LRP1B: variants seen among roughly 807,000 people sequenced by gnomAD.
LRP1B encodes the protein low-density lipoprotein receptor-related protein 1B.
LRP1B carries 217 observed loss-of-function variants against 556.6 expected under a neutral mutation model. The observed-to-expected ratio is 0.39, with a 90% CI of 0.35 to 0.44. The LOEUF is 0.44. Ranked by LOEUF, LRP1B falls within the 20% of genes least tolerant of loss-of-function variation. The pLI is 1.00. For synonymous variants in LRP1B, 2,047 were observed against 1,865.8 expected (o/e 1.10, Z -2.50); for missense variants, 5,053 against 5,620.8 (o/e 0.90, Z 3.23).
chr2:141,314,677 C>A (rs903489949), intron 3 of LRP1B, among the ~76,000 whole-genome samples: 33 of 150,272 alleles, frequency 2.2e-4, no homozygotes, highest in Non-Finnish European at 3.8e-4. Flanking sequence ...GGTAGTCCCA[C>A]CTAATCGGGA....
chr2:140,795,978 C>T (rs891909900), intron 32 of LRP1B, among the ~76,000 whole-genome samples: 1 of 151,968 alleles, frequency 6.6e-6, no homozygotes, highest in African/African-American at 2.4e-5. Context: ...ATTTTCCACT[C>T]TAAACACTGT....
At chr2:140,963,258 T>C (rs1458518031) in intron 18 of LRP1B, among the ~76,000 whole-genome samples, 1 of 99,542 alleles carries the variant, frequency 1.0e-5, no homozygotes, top group Non-Finnish European at 2.5e-5. Context: ...TAATTTCAAT[T>C]GAAAAAAAAA....
chr2:141,914,966 C>T (rs1387620207), intron 1 of LRP1B, among the ~76,000 whole-genome samples: 3 of 152,098 alleles, frequency 2.0e-5, no homozygotes, highest in Non-Finnish European at 4.4e-5. Flanking sequence ...TGTCAAACTA[C>T]CAATATCATT....
chr2:140,753,338 G>A (rs1688645982), intron 35 of LRP1B, among the ~76,000 whole-genome samples: 1 of 152,050 alleles, frequency 6.6e-6, no homozygotes, highest in South Asian at 2.1e-4. Flanking sequence ...TCTGACTTCA[G>A]TACAAAACAA....
At chr2:141,494,333 C>T (rs1363921394) in intron 2 of LRP1B, among the ~76,000 whole-genome samples, 1 of 152,114 alleles carries the variant, frequency 6.6e-6, no homozygotes, top group African/African-American at 2.4e-5. Flanking sequence ...CAACACAAAA[C>T]CCTAATAGGA....
At chr2:141,842,469 G>A (rs1237056015) in intron 1 of LRP1B, among the ~76,000 whole-genome samples, 1 of 151,970 alleles carries the variant, frequency 6.6e-6, no homozygotes, top group African/African-American at 2.4e-5. Flanking sequence ...CTTTCCCTTG[G>A]TTCCTCACCT....
chr2:141,739,555 C>G (rs1248514738), intron 2 of LRP1B, among the ~76,000 whole-genome samples: 1 of 152,068 alleles, frequency 6.6e-6, no homozygotes, highest in Admixed American at 6.6e-5. Flanking sequence ...CTTAGTCTAC[C>G]TCTACTTCCA....
rs553684501 is a variant in LRP1B, at chr2:140,646,358, C to G, written c.6800-44719G>C. Among the ~76,000 whole-genome samples, 100 of 152,282 alleles carry G rather than the reference C, an allele frequency of 6.6e-4. 1 individual carries two copies. Among genetic ancestry groups the G allele is most frequent in the African/African-American group, 2.3e-3 (94 of 41,558 alleles). ...AGAGAAGTTATATTTAGAGTTCTTA[C>G]GATTGCATAGCAATGGTATGGTGGT... is the stretch of plus-strand genomic sequence containing the variant. On this transcript the variant is annotated intron_variant, in intron 41 of 90. Coordinates refer to ENST00000389484, the MANE Select transcript of LRP1B (RefSeq NM_018557.3).
chr2:141,963,770 A>C (rs933214400), intron 1 of LRP1B, among the ~76,000 whole-genome samples: 4 of 147,242 alleles, frequency 2.7e-5, no homozygotes, highest in African/African-American at 1.0e-4. Flanking sequence ...AAGGAAATAA[A>C]GGGTATTCAG....
Position 140,534,133 on chromosome 2 carries a change from T to C in LRP1B, c.7650A>G (p.Arg2550=), listed in dbSNP as rs189519727. 8.1e-6 allele frequency: 13 copies of C among 1,610,974 alleles called. No individual in the cohort carries two copies. In the Admixed American group the frequency reaches 2.0e-4, roughly 25 times the overall value. Residue 2550 remains arginine, a synonymous_variant, in exon 47 of 91, where the codon AGA becomes AGG. Transcript: ENST00000389484. ...ATGGCTTGAAGCCTCTTCGACAGCT[T>C]CTGTTTTCTTATAAATAAAAGTAGA... is the stretch of plus-strand genomic sequence containing the variant. ...SDEKLLYCEN[R]SCRRGFKPCY...
chr2:141,018,304 A>T (rs1697965703), intron 12 of LRP1B, among the ~76,000 whole-genome samples: 1 of 152,124 alleles, frequency 6.6e-6, no homozygotes, highest in Non-Finnish European at 1.5e-5. Flanking sequence ...GTTTCTTAGT[A>T]ACACTGTCTA....
At chr2:140,323,762 CA>C in intron 81 of LRP1B, 130 bp downstream of exon 81, 2 of 436,386 alleles carry the variant, frequency 4.6e-6, no homozygotes, top group Non-Finnish European at 4.0e-6. Context: ...CTAGTGACAT[CA>C]AAATTAAAGT....
chr2:141,026,611 G>T (rs1260897223), intron 11 of LRP1B, among the ~76,000 whole-genome samples: 4 of 151,958 alleles, frequency 2.6e-5, no homozygotes, highest in African/African-American at 9.7e-5. Flanking sequence ...ACATAAATAC[G>T]CAGAGAAAAA....
intron 25 of LRP1B, among the ~76,000 whole-genome samples, chr2:140,880,608 T>TAA (rs139645383): frequency 2.7e-5 from 4 of 150,772 alleles, no homozygotes; most frequent in Non-Finnish European, 5.9e-5. Flanking sequence ...TTGGCATCTG[T>TAA]AAAAAAAAAG....
chr2:141,020,663 T>C (rs1573989084), intron 11 of LRP1B, among the ~76,000 whole-genome samples: 1 of 152,110 alleles, frequency 6.6e-6, no homozygotes, highest in Non-Finnish European at 1.5e-5. Context: ...TCTCAAGGAA[T>C]CGCCAAAATA....
intron 43 of LRP1B, among the ~76,000 whole-genome samples, chr2:140,560,278 A>G (rs1680881772): frequency 6.6e-6 from 1 of 152,200 alleles, no homozygotes; most frequent in African/African-American, 2.4e-5. Context: ...AAATCTGGTC[A>G]TCAAATGTAA....
chr2:140,734,759 C>G (rs374625260), intron 35 of LRP1B, among the ~76,000 whole-genome samples: 1 of 151,760 alleles, frequency 6.6e-6, no homozygotes, highest in African/African-American at 2.4e-5. Flanking sequence ...CAGATACTAA[C>G]GGAGGCCCTT....
chr2:140,389,615 A>G (rs1683920440), intron 66 of LRP1B, among the ~76,000 whole-genome samples: 1 of 149,920 alleles, frequency 6.7e-6, no homozygotes, highest in Non-Finnish European at 1.5e-5. Flanking sequence ...TTGCTGAGAA[A>G]AATTGAATAA....
rs987485253 is a variant in LRP1B, at chr2:140,274,503, T to G, written c.13063A>C (p.Lys4355Gln). 6 of 1,612,640 alleles carry G rather than the reference T, an allele frequency of 3.7e-6. No homozygotes were observed. In the African/African-American group the frequency reaches 6.7e-5, roughly 18 times the overall value. Reference sequence around the variant, plus strand: ...CTTACACACTTGTCAACCTCACATTTTGGTCCTTCATAGCGCGTTGGACAG... The same window carrying G: ...CTTACACACTTGTCAACCTCACATTGTGGTCCTTCATAGCGCGTTGGACAG... ...CVCPTRYEGP[K>Q]CEVDKCVRCH... The change falls in exon 85 of 91, where the codon AAA (lysine) becomes CAA (glutamine). Residue 4355 changes from lysine (K) to glutamine (Q), a missense_variant. Transcript: ENST00000389484.
Sources: allele counts gnomAD v4.1 joint callset (sites outside exome capture counted in the v4.1 genomes callset), GRCh38; gene constraint gnomAD v4.1.1; transcripts MANE v1.5; gene names NCBI Gene and HGNC (gene_info 2026-07-23, HGNC 2026-07-21).